PSMG2: variants seen among roughly 807,000 people sequenced by gnomAD.
PSMG2 encodes the protein proteasome assembly chaperone 2, also known as CD40 ligand-activated specific transcript 3.
In PSMG2, 21 loss-of-function variants were observed where a neutral mutation model predicts 31.5. The observed-to-expected ratio is 0.67, with a 90% confidence interval of 0.47 to 0.96. PSMG2 has a LOEUF of 0.96. Ranked by LOEUF, PSMG2 falls within the 40% of genes least tolerant of loss-of-function variation. PSMG2 has a pLI of 0.00. For synonymous variants in PSMG2, 120 were observed against 110.4 expected, an observed-to-expected ratio of 1.09 and a Z score of -0.54; for missense variants, 318 against 321.2, an observed-to-expected ratio of 0.99 and a Z score of 0.08.
intron 5 of PSMG2, among the ~76,000 whole-genome samples, chr18:12,722,416 G>A (rs1409763034): frequency 7.9e-5 from 12 of 152,212 alleles, no homozygotes; most frequent in Admixed American, 6.5e-4. Flanking sequence ...AAGACTACAG[G>A]GAGGCCGAGG....
intron 1 of PSMG2, among the ~76,000 whole-genome samples, chr18:12,679,794 G>T (rs1156684777): frequency 6.6e-6 from 1 of 152,142 alleles, no homozygotes; most frequent in Non-Finnish European, 1.5e-5. Flanking sequence ...CAGGTGTGGT[G>T]GCTCATGCCT....
chr18:12,685,356 A>G (rs1027393292), intron 1 of PSMG2: 4 of 152,166 alleles, frequency 2.6e-5, no homozygotes, highest in African/African-American at 9.7e-5. Context: ...CATCAGTAGT[A>G]CCAGAAAGCC....
Position 12,725,603 on chromosome 18 carries a change from A to C in PSMG2, c.*72A>C. 1 of 1,148,094 alleles carries C rather than the reference A, an allele frequency of 8.7e-7. No individual in the cohort carries two copies. The highest frequency in any genetic ancestry group is 2.6e-5 in the East Asian group (1 of 37,934). The allele number at this position is 1,148,094 out of a possible 1,614,324, so 71.1% of individuals were successfully genotyped here. The stretch of plus-strand genomic sequence containing the variant: ...ACAGCTGTTAAACATTCTATACAAA[A>C]AAATTGTATGATCTGGTATTAGGAA... On this transcript the variant is annotated 3_prime_UTR_variant, in exon 7 of 7. Coordinates refer to ENST00000317615, the MANE Select transcript of PSMG2 (RefSeq NM_020232.5).
At chr18:12,686,210 T>C in intron 1 of PSMG2, 1 of 1,413,952 alleles carries the variant, frequency 7.1e-7, no homozygotes, top group East Asian at 2.3e-5. Flanking sequence ...GATTACAAAT[T>C]CAGAGTAACT....
intron 1 of PSMG2, among the ~76,000 whole-genome samples, chr18:12,668,622 A>AAAAAAAAAAAAAC (rs2038857379): frequency 7.6e-6 from 1 of 132,410 alleles, no homozygotes; most frequent in African/African-American, 2.8e-5. Context: ...AAAAAAAAAA[A>AAAAAAAAAAAAAC]AAAAAAATAG....
intron 2 of PSMG2, among the ~76,000 whole-genome samples, chr18:12,710,478 C>T (rs1025992195): frequency 2.0e-5 from 3 of 152,116 alleles, no homozygotes; most frequent in Admixed American, 1.3e-4. Flanking sequence ...TTGAAGACCC[C>T]TCATATATCC....
intron 1 of PSMG2, among the ~76,000 whole-genome samples, chr18:12,665,389 A>G (rs1303096051): frequency 6.6e-6 from 1 of 152,028 alleles, no homozygotes; most frequent in Non-Finnish European, 1.5e-5. Context: ...TTCATGCCTT[A>G]TATGTATACT....
chr18:12,659,269 C>G (rs1218435321), intron 1 of PSMG2, among the ~76,000 whole-genome samples: 1 of 59,778 alleles, frequency 1.7e-5, no homozygotes, highest in East Asian at 3.8e-4. Flanking sequence ...GAAACTACAA[C>G]AGTCTATTTA....
intron 1 of PSMG2, among the ~76,000 whole-genome samples, chr18:12,660,275 ATTC>A (rs949703798): frequency 2.8e-4 from 42 of 151,938 alleles, no homozygotes; most frequent in African/African-American, 1.0e-3. Flanking sequence ...TAAAAGATGC[ATTC>A]TTCTTTTTTT....
At chr18:12,691,864 T>TG (rs1441359174) in intron 1 of PSMG2, among the ~76,000 whole-genome samples, 2 of 152,000 alleles carry the variant, frequency 1.3e-5, no homozygotes, top group African/African-American at 4.8e-5. Flanking sequence ...TACAGGCACG[T>TG]GCCACCACAC....
chr18:12,699,266 C>T, upstream of PSMG2: 5 of 1,157,142 alleles, frequency 4.3e-6, no homozygotes, highest in Non-Finnish European at 6.2e-6. Context: ...GTGATCAAGA[C>T]ATTAGGAAAT....
upstream of PSMG2, among the ~76,000 whole-genome samples, chr18:12,698,607 C>T (rs4633785): frequency 0.39 from 59,511 of 151,918 alleles, 12,054 homozygotes; most frequent in Non-Finnish European, 0.45. Flanking sequence ...GCCTAAACTT[C>T]GACTTTTAAA....
intron 2 of PSMG2, among the ~76,000 whole-genome samples, chr18:12,710,011 C>T (rs1246344793): frequency 2.0e-5 from 3 of 147,688 alleles, no homozygotes; most frequent in Admixed American, 6.8e-5. Flanking sequence ...GGCACGATCT[C>T]GGCTCACTGC....
At chr18:12,678,625 A>G (rs1277276078) in intron 1 of PSMG2, among the ~76,000 whole-genome samples, 1 of 152,050 alleles carries the variant, frequency 6.6e-6, no homozygotes, top group African/African-American at 2.4e-5. Flanking sequence ...GTACGTCTTT[A>G]CAATATTGAA....
chr18:12,672,638 G>A, intron 1 of PSMG2: 5 of 981,486 alleles, frequency 5.1e-6, no homozygotes, highest in Non-Finnish European at 6.1e-6. Context: ...GTGATCGACT[G>A]CAAGATCACA....
chr18:12,720,392 C>A, intron 4 of PSMG2, 118 bp from the exon 5 acceptor site: 2 of 767,414 alleles, frequency 2.6e-6, no homozygotes, highest in South Asian at 3.0e-5. Context: ...TTACTTAAGT[C>A]TGCTGAAACT....
At chr18:12,695,963 G>C (rs1287542760) in intron 1 of PSMG2, among the ~76,000 whole-genome samples, 2 of 151,896 alleles carry the variant, frequency 1.3e-5, no homozygotes, top group Non-Finnish European at 2.9e-5. Context: ...TACAGGCTGA[G>C]TAGAAATTTT....
At chr18:12,698,022 T>C (rs1311725210) in intron 1 of PSMG2, among the ~76,000 whole-genome samples, 2 of 151,926 alleles carry the variant, frequency 1.3e-5, no homozygotes, top group South Asian at 2.1e-4. Flanking sequence ...GAAAGAAACA[T>C]AGTGTAAAAC....
At chr18:12,682,355 AT>A (rs1204664479) in intron 1 of PSMG2, among the ~76,000 whole-genome samples, 1 of 151,952 alleles carries the variant, frequency 6.6e-6, no homozygotes, top group Non-Finnish European at 1.5e-5. Context: ...AGGCCCAGCT[AT>A]TTTTTGTGTT....
Sources: gnomAD v4.1 joint callset for allele counts (sites outside exome capture counted in the v4.1 genomes callset) on GRCh38, gnomAD v4.1.1 for gene constraint, MANE v1.5 for transcripts, NCBI Gene and HGNC (gene_info 2026-07-23, HGNC 2026-07-21) for gene names.